ZSCAN12: variants seen among roughly 807,000 people sequenced by gnomAD.
ZSCAN12 encodes zinc finger and SCAN domain-containing protein 12.
A neutral mutation model predicts 23.4 loss-of-function variants in ZSCAN12; 18 were observed. The observed-to-expected ratio is 0.77, with a 90% CI of 0.53 to 1.14. The LOEUF is 1.14. Ranked by LOEUF, ZSCAN12 falls within the 50% of genes most tolerant of loss-of-function variation. The pLI is 0.00. For missense variants in ZSCAN12, 650 were observed against 735.0 expected (o/e 0.88, Z 1.34); for synonymous variants, 186 against 253.4 (o/e 0.73, Z 2.53).
rs967646616 is a variant in ZSCAN12 at position 28,384,887 on chromosome 6, A to G, written c.*5567T>C. ...AATGAGCTGCTGTAGTGACTGTGGTATATAACTTTTCGGTTTAAAGGATAA... is the reference window on the plus strand; with the variant it reads ...AATGAGCTGCTGTAGTGACTGTGGTGTATAACTTTTCGGTTTAAAGGATAA... On this transcript the variant is annotated 3_prime_UTR_variant, in exon 4 of 4. Coordinates refer to ENST00000684592, the MANE Select transcript of ZSCAN12 (RefSeq NM_001163391.2). 6.6e-6 allele frequency among the ~76,000 whole-genome samples: 1 copy of G among 152,226 alleles called. No homozygotes were observed. Among genetic ancestry groups the G allele is most frequent in the African/African-American group, 2.4e-5 (1 of 41,450 alleles).
downstream of ZSCAN12, chr6:28,382,330 A>G: frequency 4.9e-6 from 6 of 1,234,132 alleles, no homozygotes; most frequent in Non-Finnish European, 6.3e-6. Context: ...GCTTTTTCCA[A>G]TGCTGGCAAA....
chr6:28,397,789 A>C (rs923013194), intron 2 of ZSCAN12, among the ~76,000 whole-genome samples: 1 of 152,158 alleles, frequency 6.6e-6, no homozygotes, highest in African/African-American at 2.4e-5. Context: ...TATCAAACAG[A>C]ATTTTGTAGC....
At position 28,391,367 on chromosome 6, in the gene ZSCAN12, C is replaced by G; in HGVS notation, c.923G>C (p.Gly308Ala). The G allele has an allele frequency of 6.4e-7, 1 of 1,551,714 alleles. No homozygotes were observed. The highest frequency in any genetic ancestry group is 8.7e-7 in the Non-Finnish European group (1 of 1,146,802). ...CACAGTTCTCCCACGGAAAGCTTTT[C>G]CACATTCTTCGCATTTGTAGGGTCT... ...GDRPYKCEEC[G>A]KAFRGRTVLI... is the part of the protein sequence containing the mutation. The change falls in exon 4 of 4, where the codon GGA (glycine) becomes GCA (alanine). Residue 308 changes from glycine (G) to alanine (A), a missense_variant. Gly to Ala is a moderately conservative substitution (Grantham distance 60, BLOSUM62 0). Coordinates refer to ENST00000684592, the MANE Select transcript of ZSCAN12 (RefSeq NM_001163391.2). This position sits in a 1 kb window ranked among gnomAD's most constrained non-coding sequence, Gnocchi z 4.1.
Position 28,386,011 on chromosome 6 carries a change from A to T in ZSCAN12, c.*4443T>A, listed in dbSNP as rs892950676. Among the ~76,000 whole-genome samples the T allele has an allele frequency of 6.6e-6, 1 of 152,142 alleles. No individual in the cohort carries two copies. Among genetic ancestry groups the T allele is most frequent in the African/African-American group, 2.4e-5 (1 of 41,412 alleles). On this transcript the variant is annotated 3_prime_UTR_variant, in exon 4 of 4. Coordinates refer to ENST00000684592, the MANE Select transcript of ZSCAN12 (RefSeq NM_001163391.2). ...CCTCATTAGCTTCATCTCGTACCTC[A>T]AACTCTGGCAACCTCTTAATACAAT...
In ZSCAN12 at chr6:28,391,839, T is replaced by TCTAC; in HGVS notation, c.548-101_548-98dup. ...TGTTTAGAAATAAAAAATGCAAGAG[T>TCTAC]CTACCATCTTAGTGATAAAGAGAGC... On this transcript the variant is annotated intron_variant, in intron 3 of 3. Coordinates refer to ENST00000684592, the MANE Select transcript of ZSCAN12 (RefSeq NM_001163391.2). The surrounding 1 kb of genome is among the most constrained non-coding windows in gnomAD (Gnocchi z 4.1). The TCTAC allele has an allele frequency of 9.5e-7, 1 of 1,054,168 alleles. No individual in the cohort carries two copies. Among genetic ancestry groups the TCTAC allele is most frequent in the East Asian group, 2.7e-5 (1 of 37,730 alleles). 65.3% of individuals were successfully genotyped at this position (1,054,168 alleles called of 1,614,324 possible).
Position 28,399,747 on chromosome 6 carries a change from T to G in ZSCAN12, c.-159A>C, listed in dbSNP as rs1291610075. 1.3e-5 allele frequency: 2 copies of G among 152,206 alleles called. No homozygotes were observed. The highest frequency in any genetic ancestry group is 4.8e-5 in the African/African-American group (2 of 41,434). 9.4% of individuals were successfully genotyped at this position (152,206 alleles called of 1,614,324 possible). On this transcript the variant is annotated 5_prime_UTR_variant, in exon 1 of 4. Coordinates refer to ENST00000684592, the MANE Select transcript of ZSCAN12 (RefSeq NM_001163391.2). Reference sequence around the variant, plus strand: ...TTTGGGACCCGGAACCCATCAAAAGTGACCCACAAAGGCCGGAAGCGGCCA... The same window carrying G: ...TTTGGGACCCGGAACCCATCAAAAGGGACCCACAAAGGCCGGAAGCGGCCA...
At chr6:28,396,768 C>A (rs1761127084) in intron 2 of ZSCAN12, among the ~76,000 whole-genome samples, 1 of 151,910 alleles carries the variant, frequency 6.6e-6, no homozygotes, top group South Asian at 2.1e-4. Context: ...CCACACCCGG[C>A]TGACTTTTGT....
chr6:28,395,254 C>T (rs1761047844), intron 2 of ZSCAN12, among the ~76,000 whole-genome samples: 1 of 152,042 alleles, frequency 6.6e-6, no homozygotes, highest in Admixed American at 6.6e-5. Context: ...AGTTTTGATT[C>T]CTGTCTTTCC....
Position 28,385,325 on chromosome 6 carries a change from C to T in ZSCAN12, c.*5129G>A, listed in dbSNP as rs945234889. Among the ~76,000 whole-genome samples, 4 of 152,154 alleles carry T rather than the reference C, an allele frequency of 2.6e-5. No homozygotes were observed. Among genetic ancestry groups the T allele is most frequent in the Non-Finnish European group, 5.9e-5 (4 of 68,040 alleles). On this transcript the variant is annotated 3_prime_UTR_variant, in exon 4 of 4. Coordinates refer to ENST00000684592, the MANE Select transcript of ZSCAN12 (RefSeq NM_001163391.2). The stretch of plus-strand genomic sequence containing the variant: ...AAAGTGGAATGTCTCCTGTGACACC[C>T]TCACTGTGCAGGCAACAAGAAGTAG...
chr6:28,392,592 A>G (rs1202663842), intron 3 of ZSCAN12, among the ~76,000 whole-genome samples: 2 of 152,206 alleles, frequency 1.3e-5, no homozygotes. Flanking sequence ...ATATAGTGCA[A>G]GTGGAAGATA....
At chr6:28,382,407 G>A, downstream of ZSCAN12, 3 of 1,490,418 alleles carry the variant, frequency 2.0e-6, no homozygotes, top group Non-Finnish European at 1.8e-6. Context: ...GCAATTTAAA[G>A]TTTGAGGAAA....
In ZSCAN12 at chr6:28,389,946, A is replaced by C. The variant is rs1057374258; in HGVS notation, c.*508T>G. ...TGCTATTGATTGCCCAATTTGCACGAACCTTTTACTTCAGGTTGGCTAGTC... is the reference window on the plus strand; with the variant it reads ...TGCTATTGATTGCCCAATTTGCACGCACCTTTTACTTCAGGTTGGCTAGTC... On this transcript the variant is annotated 3_prime_UTR_variant, in exon 4 of 4. Coordinates refer to ENST00000684592, the MANE Select transcript of ZSCAN12 (RefSeq NM_001163391.2). Among the ~76,000 whole-genome samples, 1 of 152,174 alleles carries C rather than the reference A, an allele frequency of 6.6e-6. No individual in the cohort carries two copies. The highest frequency in any genetic ancestry group is 6.5e-5 in the Admixed American group (1 of 15,276).
rs1406143022 is a variant in ZSCAN12, at chr6:28,379,161, T to TTCTAAA, written c.*3322_*3327dup. Reference sequence around the variant, plus strand: ...GCTACATTATCAACTTGTTGACAGCTTCTAAAGATTCTTTCCTACAGGTTT... The same window carrying TTCTAAA: ...GCTACATTATCAACTTGTTGACAGCTTCTAAATCTAAAGATTCTTTCCTACAGGTTT... On this transcript the variant is annotated 3_prime_UTR_variant, in exon 5 of 5. Coordinates refer to the ZSCAN12 transcript ENST00000361028. 10 of 152,314 alleles carry TTCTAAA rather than the reference T, an allele frequency of 6.6e-5. No individual in the cohort carries two copies. In the East Asian group the frequency reaches 1.9e-3, roughly 29 times the overall value. 9.4% of individuals were successfully genotyped at this position (152,314 alleles called of 1,614,324 possible). A position where few individuals can be genotyped will look rare whatever the true frequency, so the allele number is the denominator to read the frequency against.
chr6:28,393,715 GT>G (rs1760973220), intron 2 of ZSCAN12, among the ~76,000 whole-genome samples: 1 of 142,548 alleles, frequency 7.0e-6, no homozygotes, highest in Non-Finnish European at 1.5e-5. Flanking sequence ...TCCAGCCTGG[GT>G]GACAGAGACA....
chr6:28,388,165 A>G lies in ZSCAN12; in HGVS notation c.*2289T>C, dbSNP rs1760642257. Among the ~76,000 whole-genome samples the G allele has an allele frequency of 1.3e-5, 2 of 152,192 alleles. No individual in the cohort carries two copies. Among genetic ancestry groups the G allele is most frequent in the African/African-American group, 4.8e-5 (2 of 41,442 alleles). On this transcript the variant is annotated 3_prime_UTR_variant, in exon 4 of 4. Transcript: ENST00000684592. ...CTGGGTTCCTTGTTTCCTGGAGGAA[A>G]AAAACTAGGTTTCCAATCCCAGTTG...
Position 28,387,789 on chromosome 6 carries a change from T to C in ZSCAN12, c.*2665A>G, listed in dbSNP as rs1760624651. 6.6e-6 allele frequency among the ~76,000 whole-genome samples: 1 copy of C among 152,216 alleles called. No homozygotes were observed. Among genetic ancestry groups the C allele is most frequent in the African/African-American group, 2.4e-5 (1 of 41,462 alleles). ...AAAGAAGTTCCCAACCTCCTTGGAC[T>C]CTTGCTGGCGCCCAGATGTCTGTGG... is the stretch of plus-strand genomic sequence containing the variant. On this transcript the variant is annotated 3_prime_UTR_variant, in exon 4 of 4. Transcript: ENST00000684592.
At chr6:28,393,376 G>A (rs989341559) in intron 2 of ZSCAN12, among the ~76,000 whole-genome samples, 2 of 151,522 alleles carry the variant, frequency 1.3e-5, no homozygotes, top group Non-Finnish European at 1.5e-5. Context: ...AGGCAGAAAG[G>A]AGGAAATAAG....
Position 28,390,761 on chromosome 6 carries a change from G to A in ZSCAN12, c.1529C>T (p.Ser510Leu), listed in dbSNP as rs777598022. Residue 510 changes from serine to leucine, a missense_variant, in exon 4 of 4, where the codon TCA becomes TTA. Physicochemically the swap from Ser to Leu is moderately radical, Grantham distance 145 (BLOSUM62 -2). Transcript: ENST00000684592. ...DKCGKAFTQR[S>L]VLTEHQRIHT... The stretch of plus-strand genomic sequence containing the variant: ...GATTCTCTGATGTTCCGTGAGGACT[G>A]ATCTTTGAGTAAACGCCTTCCCACA... 6.2e-7 allele frequency: 1 copy of A among 1,608,558 alleles called. No homozygotes were observed. Among genetic ancestry groups the A allele is most frequent in the African/African-American group, 1.3e-5 (1 of 74,812 alleles).
At position 28,384,752 on chromosome 6, in the gene ZSCAN12, T is replaced by TTA. The variant is rs898476048; in HGVS notation, c.*5700_*5701dup. 5.3e-5 allele frequency among the ~76,000 whole-genome samples: 8 copies of TTA among 152,128 alleles called. 1 individual carries two copies. Among genetic ancestry groups the TTA allele is most frequent in the Admixed American group, 3.9e-4 (6 of 15,280 alleles). On this transcript the variant is annotated 3_prime_UTR_variant, in exon 4 of 4. Coordinates refer to ENST00000684592, the MANE Select transcript of ZSCAN12 (RefSeq NM_001163391.2). The stretch of plus-strand genomic sequence containing the variant: ...ATATTCATACATACTTTTTACACAT[T>TTA]TATATATATATGTAGAAATACTATA...
Sources: allele counts gnomAD v4.1 joint callset (sites outside exome capture counted in the v4.1 genomes callset), GRCh38; gene constraint gnomAD v4.1.1; non-coding constraint Gnocchi (gnomAD v3.1); transcripts MANE v1.5; gene names NCBI Gene and HGNC (gene_info 2026-07-23, HGNC 2026-07-21).